KMT2C: variants seen among roughly 807,000 people sequenced by gnomAD.
KMT2C encodes the protein lysine methyltransferase 2C, also known as histone-lysine N-methyltransferase 2C.
KMT2C carries 88 observed loss-of-function variants against 507.9 expected under a neutral mutation model. The observed-to-expected ratio is 0.17, with a 90% CI of 0.15 to 0.21. The LOEUF is 0.21. KMT2C is among the 10% of genes least tolerant of loss of function. KMT2C has a pLI of 1.00. For missense variants in KMT2C, 4,954 were observed against 5,957.8 expected (o/e 0.83, Z 5.55); for synonymous variants, 2,049 against 2,080.8 (o/e 0.98, Z 0.42).
chr7:152,313,432 C>T (rs1230783781), intron 4 of KMT2C, among the ~76,000 whole-genome samples: 3 of 151,854 alleles, frequency 2.0e-5, no homozygotes, highest in Non-Finnish European at 2.9e-5. Context: ...ATGTATATAC[C>T]ATATCAGTAA....
chr7:152,351,216 G>A (rs1305549657), intron 2 of KMT2C, among the ~76,000 whole-genome samples: 9 of 152,180 alleles, frequency 5.9e-5, no homozygotes, highest in Admixed American at 5.9e-4. Flanking sequence ...GTATAGTATA[G>A]TAAATATATA....
At position 152,185,566 on chromosome 7, in the gene KMT2C, G is replaced by A. The variant is rs759329875; in HGVS notation, c.5074C>T (p.Pro1692Ser). The A allele has an allele frequency of 6.2e-7, 1 of 1,612,882 alleles. No individual in the cohort carries two copies. The highest frequency in any genetic ancestry group is 1.1e-5 in the South Asian group (1 of 91,064). Residue 1692 changes from proline to serine, a missense_variant, in exon 34 of 59, where the codon CCA (proline) becomes TCA (serine). Transcript: ENST00000262189. ...WRKASSQERA[P>S]YVQKARDNRA... ...GGAGTTTCTTAAAATACCACATATG[G>A]TGCTCTTTCTTGTGAGCTTGCTTTT... is the stretch of plus-strand genomic sequence containing the variant.
chr7:152,196,080 C>CTAGA, intron 27 of KMT2C, 69 bp from the exon 28 acceptor site: 2 of 852,880 alleles, frequency 2.3e-6, no homozygotes, highest in Non-Finnish European at 3.6e-6. Flanking sequence ...TGCTAAAAAC[C>CTAGA]TAGAGTACAG....
intron 9 of KMT2C, among the ~76,000 whole-genome samples, chr7:152,259,438 A>G (rs543930469): frequency 1.5e-3 from 158 of 108,228 alleles, no homozygotes; most frequent in Admixed American, 2.7e-3. Flanking sequence ...ACACAGACAC[A>G]CACACGCGCA....
chr7:152,143,239 G>C (rs1178571511), intron 55 of KMT2C, among the ~76,000 whole-genome samples: 1 of 152,174 alleles, frequency 6.6e-6, no homozygotes, highest in African/African-American at 2.4e-5. Context: ...AGAAAACACA[G>C]ATACTCCACT....
intron 14 of KMT2C, among the ~76,000 whole-genome samples, chr7:152,244,818 C>A (rs1309273845): frequency 4.6e-5 from 7 of 152,106 alleles, no homozygotes; most frequent in Admixed American, 3.3e-4. Flanking sequence ...CTAAATCATA[C>A]ATTTGAGATA....
At chr7:152,333,280 T>C (rs1261667392) in intron 2 of KMT2C, among the ~76,000 whole-genome samples, 1 of 152,046 alleles carries the variant, frequency 6.6e-6, no homozygotes, top group East Asian at 1.9e-4. Context: ...CACAGGCACA[T>C]GTCACCACAT....
chr7:152,153,141 A>G (rs914810745), intron 48 of KMT2C, among the ~76,000 whole-genome samples, 187 bp from the exon 49 acceptor site: 1 of 138,136 alleles, frequency 7.2e-6, no homozygotes, highest in Admixed American at 7.3e-5. Flanking sequence ...ATCCAAAAAA[A>G]GAAATTTATA....
At chr7:152,205,315 T>A in intron 24 of KMT2C, 90 bp from the exon 25 acceptor site, 1 of 912,730 alleles carries the variant, frequency 1.1e-6, no homozygotes, top group Non-Finnish European at 1.6e-6. Context: ...TCTTGAATAG[T>A]AAGTCATTTT....
chr7:152,428,594 G>A (rs1260164600), intron 1 of KMT2C, among the ~76,000 whole-genome samples: 1 of 151,202 alleles, frequency 6.6e-6, no homozygotes, highest in Admixed American at 6.6e-5. Context: ...TCACACCATT[G>A]CACTCTAGCC....
chr7:152,424,663 T>C (rs2097800041), intron 1 of KMT2C, among the ~76,000 whole-genome samples: 1 of 152,122 alleles, frequency 6.6e-6, no homozygotes, highest in African/African-American at 2.4e-5. Context: ...GGCTCAAGTG[T>C]TCCACATGCC....
intron 1 of KMT2C, among the ~76,000 whole-genome samples, chr7:152,385,130 T>C (rs200118498): frequency 7.2e-5 from 11 of 151,894 alleles, no homozygotes; most frequent in Non-Finnish European, 1.3e-4. Flanking sequence ...ATACAGAAAA[T>C]AGAGAAACAT....
intron 14 of KMT2C, among the ~76,000 whole-genome samples, chr7:152,247,445 T>C (rs1471656171): frequency 6.6e-6 from 1 of 152,232 alleles, no homozygotes; most frequent in Non-Finnish European, 1.5e-5. Flanking sequence ...AATGAGAAAT[T>C]CCCCAGCATG....
chr7:152,192,254 A>G (rs2093819076), intron 31 of KMT2C, among the ~76,000 whole-genome samples: 1 of 152,188 alleles, frequency 6.6e-6, no homozygotes, highest in African/African-American at 2.4e-5. Flanking sequence ...TTAAAACAGC[A>G]TATGGGGGCT....
rs767385524 is a variant in KMT2C at position 152,248,305 on chromosome 7, C to T, written c.2129G>A (p.Cys710Tyr). The T allele has an allele frequency of 2.5e-6, 4 of 1,613,866 alleles. No individual in the cohort carries two copies. The highest frequency in any genetic ancestry group is 3.4e-6 in the Non-Finnish European group (4 of 1,179,810). ...VSPHEESISL[C>Y]PEEQLVIERL... ...TTCTATAACCAACTGTTCCTCAGGACATAATGAAATACTTTCCTCATGTGG... is the reference window on the plus strand; with the variant it reads ...TTCTATAACCAACTGTTCCTCAGGATATAATGAAATACTTTCCTCATGTGG... Residue 710 changes from cysteine to tyrosine, a missense_variant, in exon 14 of 59, where the codon TGT becomes TAT. By Grantham distance (194) the Cys-to-Tyr change is radical. This residue lies in a region of KMT2C where 376 missense variants were observed against 352.4 expected (regional missense o/e 1.07). Coordinates refer to ENST00000262189, the MANE Select transcript of KMT2C (RefSeq NM_170606.3).
intron 9 of KMT2C, among the ~76,000 whole-genome samples, chr7:152,257,896 C>T (rs1262777202): frequency 2.0e-5 from 3 of 151,666 alleles, no homozygotes; most frequent in African/African-American, 7.3e-5. Flanking sequence ...AAAAAAACAC[C>T]TCATAATGTT....
intron 1 of KMT2C, among the ~76,000 whole-genome samples, chr7:152,426,084 T>C (rs2097814533): frequency 6.6e-6 from 1 of 152,096 alleles, no homozygotes; most frequent in Admixed American, 6.6e-5. Flanking sequence ...GTATTGCTCA[T>C]AATGAAAAAC....
At chr7:152,145,861 T>C (rs1278094715) in intron 53 of KMT2C, among the ~76,000 whole-genome samples, 4 of 152,214 alleles carry the variant, frequency 2.6e-5, no homozygotes, top group Admixed American at 2.6e-4. Flanking sequence ...CATTTACATG[T>C]TAAAGGTCTT....
intron 2 of KMT2C, among the ~76,000 whole-genome samples, chr7:152,348,008 T>C (rs945191546): frequency 6.6e-5 from 10 of 152,010 alleles, no homozygotes; most frequent in Non-Finnish European, 1.5e-4. Context: ...AAATGAAAAA[T>C]GGGACATCAC....
Sources: allele counts gnomAD v4.1 joint callset (sites outside exome capture counted in the v4.1 genomes callset), GRCh38; gene constraint gnomAD v4.1.1; regional missense constraint gnomAD v4.1.1; transcripts MANE v1.5; gene names NCBI Gene and HGNC (gene_info 2026-07-23, HGNC 2026-07-21).